Variants in LRP1B observed in about 807,000 individuals in gnomAD.
The protein encoded by LRP1B is LDL receptor related protein 1B.
In LRP1B, 217 loss-of-function variants were observed where a neutral mutation model predicts 556.6. The ratio of observed to expected loss-of-function variants is 0.39; its 90% CI spans 0.35 to 0.44. The LOEUF is 0.44. Among genes scored for constraint, LRP1B ranks in the 20% least tolerant of loss-of-function variants. LRP1B has a pLI of 1.00. For synonymous variants in LRP1B, 2,047 were observed against 1,865.8 expected, an observed-to-expected ratio of 1.10 and a Z score of -2.50; for missense variants, 5,053 against 5,620.8, an observed-to-expected ratio of 0.90 and a Z score of 3.23.
At chr2:141,672,657 G>T (rs187259896) in intron 2 of LRP1B, among the ~76,000 whole-genome samples, 8 of 152,222 alleles carry the variant, frequency 5.3e-5, no homozygotes, top group Non-Finnish European at 7.4e-5. Flanking sequence ...CTACAGAGAA[G>T]CTTAACCTGT....
At chr2:141,727,328 C>T (rs889978973) in intron 2 of LRP1B, among the ~76,000 whole-genome samples, 17 of 152,084 alleles carry the variant, frequency 1.1e-4, no homozygotes, top group African/African-American at 3.4e-4. Context: ...CCCAAGGTCA[C>T]GCATTAAGAG....
intron 35 of LRP1B, among the ~76,000 whole-genome samples, chr2:140,723,559 G>A (rs5028532): frequency 0.82 from 125,174 of 152,048 alleles, 51,669 homozygotes; most frequent in East Asian, 0.93. Context: ...AATTATGTTA[G>A]CATAATTTAA....
At chr2:141,898,907 T>C (rs562557923) in intron 1 of LRP1B, among the ~76,000 whole-genome samples, 20 of 152,236 alleles carry the variant, frequency 1.3e-4, no homozygotes, top group South Asian at 1.2e-3. Flanking sequence ...ATGAAAATAA[T>C]TTATTGCCTT....
intron 3 of LRP1B, among the ~76,000 whole-genome samples, chr2:141,379,857 G>A (rs772839334): frequency 6.6e-6 from 1 of 152,124 alleles, no homozygotes. Flanking sequence ...CAAGCTCCTA[G>A]ATTCTCCATG....
chr2:140,961,719 A>C (rs1696040910), intron 18 of LRP1B, among the ~76,000 whole-genome samples: 1 of 152,166 alleles, frequency 6.6e-6, no homozygotes, highest in South Asian at 2.1e-4. Flanking sequence ...ATATAATATT[A>C]TTTTCTATAA....
intron 2 of LRP1B, among the ~76,000 whole-genome samples, chr2:141,777,509 G>A (rs943327413): frequency 4.6e-5 from 7 of 151,850 alleles, no homozygotes; most frequent in East Asian, 1.9e-4. Flanking sequence ...TCCGCCTCCC[G>A]GGTTCAAGAG....
intron 2 of LRP1B, among the ~76,000 whole-genome samples, chr2:141,630,975 C>A (rs1162005035): frequency 6.6e-6 from 1 of 152,110 alleles, no homozygotes; most frequent in African/African-American, 2.4e-5. Context: ...ATATTGTAAT[C>A]ATCTCCTATT....
intron 37 of LRP1B, 105 bp downstream of exon 37, chr2:140,715,868 T>C (rs539946050): frequency 1.1e-6 from 1 of 920,952 alleles, no homozygotes; most frequent in African/African-American, 1.6e-5. Context: ...TAAGATATTC[T>C]TGATTTTGTC....
intron 2 of LRP1B, among the ~76,000 whole-genome samples, chr2:141,778,928 C>A (rs1695157989): frequency 6.6e-6 from 1 of 152,160 alleles, no homozygotes; most frequent in Admixed American, 6.5e-5. Context: ...TATAGAATCA[C>A]TAAGAGTGGG....
At chr2:140,896,968 T>C (rs1693972355) in intron 23 of LRP1B, among the ~76,000 whole-genome samples, 1 of 152,200 alleles carries the variant, frequency 6.6e-6, no homozygotes, top group African/African-American at 2.4e-5. Context: ...TTCATTTTTA[T>C]TGGACTGTGA....
chr2:140,988,278 T>C (rs1696986918), intron 17 of LRP1B, among the ~76,000 whole-genome samples: 1 of 152,004 alleles, frequency 6.6e-6, no homozygotes, highest in African/African-American at 2.4e-5. Flanking sequence ...CTGGAGGTCC[T>C]TTTCTCTTAG....
chr2:140,358,983 G>A (rs1331149047), intron 72 of LRP1B, 37 bp from the exon 73 acceptor site: 4 of 1,591,004 alleles, frequency 2.5e-6, no homozygotes, highest in East Asian at 2.3e-5. Context: ...AAGCTCCTTC[G>A]AGTACATTGC....
At chr2:140,617,188 C>A (rs900512721) in intron 41 of LRP1B, among the ~76,000 whole-genome samples, 1 of 151,776 alleles carries the variant, frequency 6.6e-6, no homozygotes, top group Non-Finnish European at 1.5e-5. Context: ...TTTTCTTTTT[C>A]TTTTTGTCTA....
At chr2:140,861,022 C>CTAATT (rs1390101170) in intron 27 of LRP1B, among the ~76,000 whole-genome samples, 1 of 135,342 alleles carries the variant, frequency 7.4e-6, no homozygotes, top group Non-Finnish European at 1.6e-5. Context: ...ATCTATCTAT[C>CTAATT]TATCTAATTT....
chr2:141,466,343 G>A (rs1034487448), intron 3 of LRP1B, among the ~76,000 whole-genome samples: 1 of 152,118 alleles, frequency 6.6e-6, no homozygotes, highest in African/African-American at 2.4e-5. Flanking sequence ...AGCATAGTAG[G>A]ACTACAGCAG....
In LRP1B at chr2:141,038,021, T is replaced by C. The variant is rs527296385; in HGVS notation, c.1789+10965A>G. Among the ~76,000 whole-genome samples the C allele has an allele frequency of 4.6e-5, 7 of 152,114 alleles. No homozygotes were observed. In the East Asian group the frequency reaches 1.4e-3, roughly 29 times the overall value. On this transcript the variant is annotated intron_variant, in intron 11 of 90. Transcript: ENST00000389484. ...TCAAATAAGATTTTTTAAATCTCCT[T>C]ACCTCTCTTTACCACTGTTACCTCT... is the stretch of plus-strand genomic sequence containing the variant.
At chr2:140,756,663 A>T (rs1688750678) in intron 35 of LRP1B, among the ~76,000 whole-genome samples, 1 of 152,128 alleles carries the variant, frequency 6.6e-6, no homozygotes, top group African/African-American at 2.4e-5. Flanking sequence ...TGTATAGCAA[A>T]ATTAACTAAA....
At chr2:141,288,296 A>C (rs1461232197) in intron 3 of LRP1B, among the ~76,000 whole-genome samples, 4 of 151,986 alleles carry the variant, frequency 2.6e-5, no homozygotes, top group Non-Finnish European at 4.4e-5. Context: ...AAAAAAAAAA[A>C]ATCTTTTATA....
chr2:141,543,795 T>C (rs571396624), intron 2 of LRP1B, among the ~76,000 whole-genome samples: 77 of 151,832 alleles, frequency 5.1e-4, no homozygotes, highest in African/African-American at 1.8e-3. Flanking sequence ...GCACAATAAT[T>C]TTGAGTGTTT....
Sources: gnomAD v4.1 joint callset for allele counts (sites outside exome capture counted in the v4.1 genomes callset) on GRCh38, gnomAD v4.1.1 for gene constraint, MANE v1.5 for transcripts, NCBI Gene and HGNC (gene_info 2026-07-23, HGNC 2026-07-21) for gene names.